ZC2HC1B: variants seen among roughly 807,000 people sequenced by gnomAD.
ZC2HC1B encodes the protein zinc finger C2HC domain-containing protein 1B.
A neutral mutation model predicts 31.0 loss-of-function variants in ZC2HC1B; 36 were observed. The observed-to-expected ratio is 1.16, with a 90% CI of 0.89 to 1.54. ZC2HC1B has a LOEUF of 1.54. ZC2HC1B is among the 40% of genes most tolerant of loss of function. ZC2HC1B has a pLI of 0.00. For missense variants in ZC2HC1B, 260 were observed against 268.6 expected, an observed-to-expected ratio of 0.97 and a Z score of 0.22; for synonymous variants, 73 against 88.0, an observed-to-expected ratio of 0.83 and a Z score of 0.95.
Position 143,915,129 on chromosome 6 carries a change from C to T in ZC2HC1B, c.598+11977C>T, listed in dbSNP as rs929162681. Among the ~76,000 whole-genome samples the T allele has an allele frequency of 6.6e-6, 1 of 152,212 alleles. No individual in the cohort carries two copies. The highest frequency in any genetic ancestry group is 2.4e-5 in the African/African-American group (1 of 41,528). The stretch of plus-strand genomic sequence containing the variant: ...CTCACCCAAATTTCATCTTGAATTC[C>T]CACGTGTTGTGGGAGGGACCCAGTG... On this transcript the variant is annotated intron_variant, in intron 6 of 7. Transcript: ENST00000237275. The surrounding 1 kb of genome is among the most constrained non-coding windows in gnomAD (Gnocchi z 5.2).
At position 143,923,574 on chromosome 6, in the gene ZC2HC1B, T is replaced by C. The variant is rs1778004632; in HGVS notation, c.599-14075T>C. Among the ~76,000 whole-genome samples, 1 of 152,132 alleles carries C rather than the reference T, an allele frequency of 6.6e-6. No homozygotes were observed. Among genetic ancestry groups the C allele is most frequent in the Non-Finnish European group, 1.5e-5 (1 of 67,980 alleles). On this transcript the variant is annotated intron_variant, in intron 6 of 7. Transcript: ENST00000237275. The surrounding 1 kb of genome is among the most constrained non-coding windows in gnomAD (Gnocchi z 4.8). ...TCCCTATTTTCTTCTAGTAGTTTCA[T>C]AGTTTTGGGTCTTATGTTTAAGTCT... is the stretch of plus-strand genomic sequence containing the variant.
At chr6:143,932,691 G>A (rs776888963) in intron 6 of ZC2HC1B, among the ~76,000 whole-genome samples, 2 of 152,152 alleles carry the variant, frequency 1.3e-5, no homozygotes, top group Non-Finnish European at 2.9e-5. Flanking sequence ...TGGATCCATT[G>A]CTGGGGAGCT....
Position 143,895,715 on chromosome 6 carries a change from C to T in ZC2HC1B, c.350-2837C>T, listed in dbSNP as rs1170379289. Among the ~76,000 whole-genome samples the T allele has an allele frequency of 6.6e-6, 1 of 152,090 alleles. No homozygotes were observed. The highest frequency in any genetic ancestry group is 1.5e-5 in the Non-Finnish European group (1 of 68,030). On this transcript the variant is annotated intron_variant, in intron 4 of 7. Coordinates refer to ENST00000237275, the MANE Select transcript of ZC2HC1B (RefSeq NM_001013623.3). The surrounding 1 kb of genome is among the most constrained non-coding windows in gnomAD (Gnocchi z 4.8). ...TATAATTGTTATTTTTCTATGAGGC[C>T]TGGGACATTCAGTTACCATTTTGCA...
rs1470507810 is a variant in ZC2HC1B at position 143,917,558 on chromosome 6, AT to A, written c.598+14410del. On this transcript the variant is annotated intron_variant, in intron 6 of 7. Transcript: ENST00000237275. The surrounding 1 kb of genome is among the most constrained non-coding windows in gnomAD (Gnocchi z 4.1). ...TCCTTCAGCAATGTCTTTTCCACCC[AT>A]TTTGTTATTGATGTCACAAAATTAC... 2.6e-5 allele frequency among the ~76,000 whole-genome samples: 4 copies of A among 152,162 alleles called. No individual in the cohort carries two copies. Among genetic ancestry groups the A allele is most frequent in the African/African-American group, 9.7e-5 (4 of 41,444 alleles).
intron 1 of ZC2HC1B, among the ~76,000 whole-genome samples, chr6:143,866,238 A>G (rs1777260097): frequency 6.6e-6 from 1 of 152,226 alleles, no homozygotes. Flanking sequence ...AGCTGAAAAC[A>G]TGGTAAGCCA....
intron 6 of ZC2HC1B, among the ~76,000 whole-genome samples, chr6:143,931,623 A>G (rs1778119569): frequency 6.6e-6 from 1 of 152,144 alleles, no homozygotes; most frequent in South Asian, 2.1e-4. Flanking sequence ...TTGGCTGGCA[A>G]TTATTTTGTT....
chr6:143,877,209 G>A (rs1443460268), intron 1 of ZC2HC1B, among the ~76,000 whole-genome samples: 1 of 138,032 alleles, frequency 7.2e-6, no homozygotes, highest in African/African-American at 2.7e-5. Flanking sequence ...TTTTCTGGGA[G>A]ATTTTCCTAA....
chr6:143,886,879 A>G lies in ZC2HC1B; in HGVS notation c.349+58A>G, dbSNP rs907153087. 5.1e-6 allele frequency: 7 copies of G among 1,363,176 alleles called. No homozygotes were observed. The highest frequency in any genetic ancestry group is 1.9e-4 in the Middle Eastern group (1 of 5,338). The allele number at this position is 1,363,176 out of a possible 1,614,324, so 84.4% of individuals were successfully genotyped here. A position where few individuals can be genotyped will look rare whatever the true frequency, so the allele number is the denominator to read the frequency against. On this transcript the variant is annotated intron_variant, in intron 4 of 7. Coordinates refer to ENST00000237275, the MANE Select transcript of ZC2HC1B (RefSeq NM_001013623.3). The surrounding 1 kb of genome is among the most constrained non-coding windows in gnomAD (Gnocchi z 4.2). ...ATGCTTGACTTTTGACCAAATCATC[A>G]TGCCCTCTATGCACTCTGAAATTGA...
chr6:143,936,252 A>C (rs1778176820), intron 6 of ZC2HC1B, among the ~76,000 whole-genome samples: 1 of 152,218 alleles, frequency 6.6e-6, no homozygotes, highest in Admixed American at 6.5e-5. Context: ...TTACCATGCC[A>C]GTTAAGCAAC....
In ZC2HC1B at chr6:143,886,187, A is replaced by G. The variant is rs776877023; in HGVS notation, c.210+36A>G. ...TATCTTCTTTAGTGTTTGTTATTAC[A>G]TTCTGCGGTACTGTAAGGCCTATTT... On this transcript the variant is annotated intron_variant, in intron 3 of 7. Coordinates refer to ENST00000237275, the MANE Select transcript of ZC2HC1B (RefSeq NM_001013623.3). This position sits in a 1 kb window ranked among gnomAD's most constrained non-coding sequence, Gnocchi z 4.2. The G allele has an allele frequency of 1.5e-5, 22 of 1,488,058 alleles. No homozygotes were observed. In the South Asian group the frequency reaches 3.1e-4, roughly 21 times the overall value. The allele number at this position is 1,488,058 out of a possible 1,614,324, so 92.2% of individuals were successfully genotyped here. A position where few individuals can be genotyped will look rare whatever the true frequency, so the allele number is the denominator to read the frequency against.
In ZC2HC1B at chr6:143,890,398, C is replaced by CAA. The variant is rs35848743; in HGVS notation, c.349+3593_349+3594dup. On this transcript the variant is annotated intron_variant, in intron 4 of 7. Transcript: ENST00000237275. ...CTTACATGTTAAAAACAATACAATA[C>CAA]AAAAAAAAAAAAAAAAACTTCTCAG... Among the ~76,000 whole-genome samples, 400 of 63,190 alleles carry CAA rather than the reference C, an allele frequency of 6.3e-3. 4 individuals are homozygous for CAA. The highest frequency in any genetic ancestry group is 0.016 in the African/African-American group (320 of 20,212). The allele number at this position is 63,190 out of a possible 152,430, so 41.5% of individuals were successfully genotyped here. A position where few individuals can be genotyped will look rare whatever the true frequency, so the allele number is the denominator to read the frequency against.
chr6:143,890,946 G>A (rs1562340339), intron 4 of ZC2HC1B, among the ~76,000 whole-genome samples: 1 of 151,474 alleles, frequency 6.6e-6, no homozygotes, highest in Non-Finnish European at 1.5e-5. Flanking sequence ...TGGCCAAGAT[G>A]GTGAAACCCC....
chr6:143,888,312 G>T (rs1033886128), intron 4 of ZC2HC1B, among the ~76,000 whole-genome samples: 74 of 152,066 alleles, frequency 4.9e-4, no homozygotes, highest in African/African-American at 1.7e-3. Context: ...TAGTATTCTA[G>T]TAATTTTTGA....
At chr6:143,878,980 A>G (rs1777437894) in intron 1 of ZC2HC1B, among the ~76,000 whole-genome samples, 1 of 152,132 alleles carries the variant, frequency 6.6e-6, no homozygotes, top group Non-Finnish European at 1.5e-5. Context: ...AGGGAAGGGC[A>G]TTTATCCAAG....
At position 143,870,608 on chromosome 6, in the gene ZC2HC1B, T is replaced by C. The variant is rs143296884; in HGVS notation, c.28+6041T>C. Among the ~76,000 whole-genome samples, 840 of 152,302 alleles carry C rather than the reference T, an allele frequency of 5.5e-3. 9 individuals are homozygous for C. Among genetic ancestry groups the C allele is most frequent in the African/African-American group, 0.019 (794 of 41,568 alleles). On this transcript the variant is annotated intron_variant, in intron 1 of 7. Coordinates refer to ENST00000237275, the MANE Select transcript of ZC2HC1B (RefSeq NM_001013623.3). The surrounding 1 kb of genome is among the most constrained non-coding windows in gnomAD (Gnocchi z 4.7). The stretch of plus-strand genomic sequence containing the variant: ...GGGTCAGAAAGCACTCAGTTCATGA[T>C]AGGCAGGTCAGGTTGCATGGTGACT...
chr6:143,935,646 CTTTTTTTTTTTTTTTTT>C (rs759896830), intron 6 of ZC2HC1B, among the ~76,000 whole-genome samples: 1 of 55,854 alleles, frequency 1.8e-5, no homozygotes, highest in Admixed American at 2.6e-4. Context: ...TGGTATCACT[CTTTTTTTTTTTTTTTTT>C]TTTTTTTTTT....
chr6:143,886,228 TC>T lies in ZC2HC1B; in HGVS notation c.210+78del. On this transcript the variant is annotated intron_variant, in intron 3 of 7. Coordinates refer to ENST00000237275, the MANE Select transcript of ZC2HC1B (RefSeq NM_001013623.3). This position sits in a 1 kb window ranked among gnomAD's most constrained non-coding sequence, Gnocchi z 4.2. The stretch of plus-strand genomic sequence containing the variant: ...AGGCCTATTTCTGGGATTTCTGGTT[TC>T]ATTTTTGCTTGATAATACAGTAATG... 1 of 1,357,960 alleles carries T rather than the reference TC, an allele frequency of 7.4e-7. No individual in the cohort carries two copies. Among genetic ancestry groups the T allele is most frequent in the Non-Finnish European group, 9.5e-7 (1 of 1,051,434 alleles). 84.1% of individuals were successfully genotyped at this position (1,357,960 alleles called of 1,614,324 possible). A position where few individuals can be genotyped will look rare whatever the true frequency, so the allele number is the denominator to read the frequency against.
chr6:143,902,322 G>C (rs1259857334), intron 5 of ZC2HC1B, among the ~76,000 whole-genome samples: 1 of 152,160 alleles, frequency 6.6e-6, no homozygotes, highest in Non-Finnish European at 1.5e-5. Context: ...CTTTTAAAAT[G>C]TGTCATACTC....
rs1777849785 is a variant in ZC2HC1B at position 143,911,059 on chromosome 6, TG to T, written c.598+7909del. 2.0e-5 allele frequency among the ~76,000 whole-genome samples: 3 copies of T among 152,342 alleles called. No homozygotes were observed. Among genetic ancestry groups the T allele is most frequent in the Admixed American group, 2.0e-4 (3 of 15,308 alleles). On this transcript the variant is annotated intron_variant, in intron 6 of 7. Transcript: ENST00000237275. This position sits in a 1 kb window ranked among gnomAD's most constrained non-coding sequence, Gnocchi z 4.5. ...TGAGCCACTGCGCCCAGCCCTTTGT[TG>T]GTTTAAAGCCTGTTTTGTCAGAAAC...
Sources: allele counts gnomAD v4.1 joint callset (sites outside exome capture counted in the v4.1 genomes callset), GRCh38; gene constraint gnomAD v4.1.1; non-coding constraint Gnocchi (gnomAD v3.1); transcripts MANE v1.5; gene names NCBI Gene and HGNC (gene_info 2026-07-23, HGNC 2026-07-21).